The following ACOXL variants were observed in gnomAD, a reference collection of about 807,000 sequenced individuals.
The protein encoded by ACOXL is acyl-CoA oxidase like, also known as acyl-coenzyme A oxidase-like protein.
Under a neutral mutation model 71.9 loss-of-function variants are expected in ACOXL, and 70 were observed. That is an observed-to-expected ratio of 0.97 (90% CI 0.80 to 1.19). The LOEUF (loss-of-function observed/expected upper bound fraction) is 1.19, where lower values mean the gene tolerates loss of function less well. ACOXL is among the 50% of genes most tolerant of loss of function. The pLI is 0.00. For missense variants in ACOXL, 703 were observed against 736.3 expected (o/e 0.95, Z 0.52); for synonymous variants, 253 against 281.6 (o/e 0.90, Z 1.02).
intron 17 of ACOXL, among the ~76,000 whole-genome samples, chr2:111,103,155 C>T (rs1315325660): frequency 2.0e-5 from 3 of 151,990 alleles, no homozygotes; most frequent in African/African-American, 4.8e-5. Context: ...ATTAGCCAGG[C>T]GTGGTGGCAT....
chr2:110,979,405 A>T (rs1223424850), intron 12 of ACOXL, among the ~76,000 whole-genome samples: 1 of 152,138 alleles, frequency 6.6e-6, no homozygotes, highest in African/African-American at 2.4e-5. Flanking sequence ...CACGAGGGAA[A>T]ACCTTCCCCA....
intron 10 of ACOXL, among the ~76,000 whole-genome samples, chr2:110,870,065 C>T (rs1039722441): frequency 1.3e-5 from 2 of 152,212 alleles, no homozygotes; most frequent in Admixed American, 6.5e-5. Context: ...GTGGGGAGGG[C>T]GGAGGACTAG....
At chr2:110,857,760 C>G (rs1015832893) in intron 10 of ACOXL, among the ~76,000 whole-genome samples, 11 of 152,144 alleles carry the variant, frequency 7.2e-5, no homozygotes, top group African/African-American at 2.4e-4. Context: ...GGGCCTGGCT[C>G]TGTTGCCCAG....
chr2:110,978,852 C>A (rs937813279), intron 12 of ACOXL, among the ~76,000 whole-genome samples: 1 of 152,086 alleles, frequency 6.6e-6, no homozygotes, highest in African/African-American at 2.4e-5. Flanking sequence ...CCATTTCATT[C>A]TTTATTTTGT....
intron 16 of ACOXL, among the ~76,000 whole-genome samples, chr2:111,089,706 C>T (rs2068420535): frequency 6.6e-6 from 1 of 152,150 alleles, no homozygotes; most frequent in African/African-American, 2.4e-5. Context: ...TGTTCAAATG[C>T]TTGATATAAA....
In ACOXL at chr2:110,814,679, G is replaced by A. The variant is rs1019063279; in HGVS notation, c.753+9284G>A. Among the ~76,000 whole-genome samples the A allele has an allele frequency of 1.2e-4, 19 of 152,162 alleles. No individual in the cohort carries two copies. In the East Asian group the frequency reaches 2.9e-3, roughly 23 times the overall value. Reference sequence around the variant, plus strand: ...TGTGTGTTATTAAGGCCAGGGCTACGAAGTATTGTTCACTGTAGAACTACA... The same window carrying A: ...TGTGTGTTATTAAGGCCAGGGCTACAAAGTATTGTTCACTGTAGAACTACA... On this transcript the variant is annotated intron_variant, in intron 9 of 17. Transcript: ENST00000439055.
At chr2:110,788,587 T>G (rs568074472) in intron 3 of ACOXL, among the ~76,000 whole-genome samples, 1 of 152,318 alleles carries the variant, frequency 6.6e-6, no homozygotes, top group Non-Finnish European at 1.5e-5. Flanking sequence ...ATGACTGTAC[T>G]TCATGCCACT....
chr2:110,942,529 G>A (rs541556433), intron 12 of ACOXL, among the ~76,000 whole-genome samples: 1 of 152,154 alleles, frequency 6.6e-6, no homozygotes, highest in African/African-American at 2.4e-5. Flanking sequence ...AATTCTAAAC[G>A]GTTAGGCACC....
chr2:110,912,990 A>G (rs1414358127), intron 11 of ACOXL, among the ~76,000 whole-genome samples: 1 of 152,246 alleles, frequency 6.6e-6, no homozygotes, highest in East Asian at 1.9e-4. Flanking sequence ...CAAATAACCA[A>G]TAAGCACATG....
intron 1 of ACOXL, among the ~76,000 whole-genome samples, chr2:110,734,149 AATAG>A (rs1283301456): frequency 4.6e-5 from 7 of 152,232 alleles, no homozygotes. Context: ...AAAATACACT[AATAG>A]ATTTATTAGT....
At chr2:110,830,193 T>C (rs1248523187) in intron 9 of ACOXL, among the ~76,000 whole-genome samples, 2 of 152,200 alleles carry the variant, frequency 1.3e-5, no homozygotes, top group African/African-American at 4.8e-5. Context: ...CATCAAACAT[T>C]AGAGAAGAGA....
chr2:110,785,528 C>T (rs1469461347), intron 3 of ACOXL, among the ~76,000 whole-genome samples: 2 of 152,028 alleles, frequency 1.3e-5, no homozygotes, highest in African/African-American at 4.8e-5. Context: ...CTCCATTCCA[C>T]CCCTGTCCTT....
At chr2:110,871,945 G>C (rs930086322) in intron 10 of ACOXL, among the ~76,000 whole-genome samples, 1 of 152,180 alleles carries the variant, frequency 6.6e-6, no homozygotes, top group Admixed American at 6.5e-5. Flanking sequence ...ATCCACCTCT[G>C]CGTAACAAAC....
chr2:111,055,508 A>C (rs875063), intron 16 of ACOXL, among the ~76,000 whole-genome samples: 50,640 of 152,220 alleles, frequency 0.33, 8,620 homozygotes, highest in East Asian at 0.49. Context: ...GCCATGCCCA[A>C]GGACCTCATC....
intron 16 of ACOXL, among the ~76,000 whole-genome samples, chr2:111,068,051 C>T (rs574362117): frequency 6.6e-6 from 1 of 152,128 alleles, no homozygotes; most frequent in African/African-American, 2.4e-5. Flanking sequence ...AAAAATACCC[C>T]ACAAATGGAA....
intron 14 of ACOXL, among the ~76,000 whole-genome samples, chr2:111,023,614 G>A (rs778314999): frequency 3.3e-5 from 5 of 152,156 alleles, no homozygotes; most frequent in Non-Finnish European, 5.9e-5. Flanking sequence ...GCATGCTGCT[G>A]AGCGTTAGGT....
intron 14 of ACOXL, 33 bp downstream of exon 14, chr2:110,996,037 G>T: frequency 6.5e-7 from 1 of 1,549,216 alleles, no homozygotes; most frequent in South Asian, 1.1e-5. Context: ...TTTTCCTTTT[G>T]ACATGTGTTT....
chr2:111,057,799 A>G (rs778676004), intron 16 of ACOXL, among the ~76,000 whole-genome samples: 31 of 152,398 alleles, frequency 2.0e-4, no homozygotes, highest in Non-Finnish European at 3.4e-4. Flanking sequence ...AGATGGCAGC[A>G]GTATATGAGG....
rs1416472717 is a variant in ACOXL at position 111,093,782 on chromosome 2, T to C, written c.1542+816T>C. 7 of 387,666 alleles carry C rather than the reference T, an allele frequency of 1.8e-5. No homozygotes were observed. The East Asian group carries it at 2.7e-4, about 15-fold the overall frequency. 24.0% of individuals were successfully genotyped at this position (387,666 alleles called of 1,614,324 possible). A position where few individuals can be genotyped will look rare whatever the true frequency, so the allele number is the denominator to read the frequency against. ...GGGAGGCTGAGGCACGAGAATCGCTTGAGCCCTGGAGTTGGAGGTTGCAGT... is the reference window on the plus strand; with the variant it reads ...GGGAGGCTGAGGCACGAGAATCGCTCGAGCCCTGGAGTTGGAGGTTGCAGT... On this transcript the variant is annotated intron_variant, in intron 17 of 17. Coordinates refer to ENST00000439055, the MANE Select transcript of ACOXL (RefSeq NM_001142807.4).
Sources: gnomAD v4.1 joint callset for allele counts (sites outside exome capture counted in the v4.1 genomes callset) on GRCh38, gnomAD v4.1.1 for gene constraint, MANE v1.5 for transcripts, NCBI Gene and HGNC (gene_info 2026-07-23, HGNC 2026-07-21) for gene names.